TYW1: variants seen among roughly 807,000 people sequenced by gnomAD.
The protein encoded by TYW1 is S-adenosyl-L-methionine-dependent tRNA 4-demethylwyosine synthase TYW1.
TYW1 carries 46 observed loss-of-function variants against 96.2 expected under a neutral mutation model. The ratio of observed to expected loss-of-function variants is 0.48; its 90% CI spans 0.38 to 0.61. TYW1 has a LOEUF of 0.61. Among genes scored for constraint, TYW1 ranks in the 20% least tolerant of loss-of-function variants. The pLI is 0.00. For synonymous variants in TYW1, 274 were observed against 323.0 expected (o/e 0.85, Z 1.63); for missense variants, 684 against 909.6 (o/e 0.75, Z 3.19).
At chr7:67,200,806 C>T (rs1800573679) in intron 15 of TYW1, among the ~76,000 whole-genome samples, 1 of 152,102 alleles carries the variant, frequency 6.6e-6, no homozygotes, top group Non-Finnish European at 1.5e-5. Context: ...ACAGAGGAGG[C>T]ACCATTTAAC....
intron 13 of TYW1, among the ~76,000 whole-genome samples, chr7:67,165,236 A>G (rs1799283703): frequency 6.6e-6 from 1 of 152,206 alleles, no homozygotes; most frequent in Non-Finnish European, 1.5e-5. Context: ...TTAGGAGACC[A>G]TTTTATCTTG....
At chr7:67,197,381 A>G (rs13244997) in intron 15 of TYW1, among the ~76,000 whole-genome samples, 37,760 of 149,604 alleles carry the variant, frequency 0.25, 4,904 homozygotes, top group Middle Eastern at 0.3. Flanking sequence ...GCTGGAGTGC[A>G]GTGATGCAAC....
At chr7:67,223,419 T>C (rs375528765) in intron 15 of TYW1, among the ~76,000 whole-genome samples, 1 of 152,170 alleles carries the variant, frequency 6.6e-6, no homozygotes, top group African/African-American at 2.4e-5. Flanking sequence ...GTCTTTTCAG[T>C]TCTCTTTGAA....
intron 13 of TYW1, among the ~76,000 whole-genome samples, chr7:67,148,227 CAGT>C: frequency 6.6e-6 from 1 of 151,882 alleles, no homozygotes; most frequent in East Asian, 1.9e-4. Flanking sequence ...TTATATATCT[CAGT>C]AGAGATATGT....
chr7:67,226,113 C>A (rs1169563574), intron 15 of TYW1, among the ~76,000 whole-genome samples: 1 of 152,178 alleles, frequency 6.6e-6, no homozygotes, highest in Non-Finnish European at 1.5e-5. Flanking sequence ...AAAGAGATCT[C>A]ACCTAACCGA....
intron 13 of TYW1, among the ~76,000 whole-genome samples, chr7:67,161,078 T>C (rs1799149385): frequency 1.3e-5 from 2 of 152,226 alleles, no homozygotes; most frequent in African/African-American, 4.8e-5. Context: ...TACTGTGTTA[T>C]ATTGGTTAGT....
chr7:67,105,827 G>A (rs1379514782), intron 12 of TYW1, among the ~76,000 whole-genome samples: 1 of 149,868 alleles, frequency 6.7e-6, no homozygotes, highest in African/African-American at 2.5e-5. Flanking sequence ...ATTCTTGTGT[G>A]TTTCATATGC....
At chr7:67,016,897 T>A (rs1794043059) in intron 5 of TYW1, among the ~76,000 whole-genome samples, 1 of 152,104 alleles carries the variant, frequency 6.6e-6, no homozygotes, top group Admixed American at 6.6e-5. Context: ...GGTGCTGGAA[T>A]TATAGGCGTG....
At chr7:67,204,525 TTCTTCC>T (rs1391549169) in intron 15 of TYW1, among the ~76,000 whole-genome samples, 68 of 149,904 alleles carry the variant, frequency 4.5e-4, no homozygotes, top group South Asian at 1.7e-3. Flanking sequence ...TTCCTTCTTC[TTCTTCC>T]TCTTCCTCTT....
chr7:67,158,837 C>G (rs1799068953), intron 13 of TYW1, among the ~76,000 whole-genome samples: 2 of 152,172 alleles, frequency 1.3e-5, no homozygotes, highest in Admixed American at 6.5e-5. Flanking sequence ...TCCCAAAGTG[C>G]TGGGATTACA....
At position 67,238,502 on chromosome 7, in the gene TYW1, C is replaced by T; in HGVS notation, c.2172C>T (p.Asn724=). ...DPKDTRHQRK[N]KSKAISGC is the part of the protein sequence containing the mutation. ...AGGACACAAGACATCAGAGAAAGAA[C>T]AAATCAAAGGCTATTTCTGGATGTT... Residue 724 remains asparagine (N), a synonymous_variant, in exon 16 of 16, where the codon AAC becomes AAT. Coordinates refer to ENST00000359626, the MANE Select transcript of TYW1 (RefSeq NM_018264.4). 3 of 1,613,888 alleles carry T rather than the reference C, an allele frequency of 1.9e-6. No individual in the cohort carries two copies. Among genetic ancestry groups the T allele is most frequent in the Non-Finnish European group, 2.5e-6 (3 of 1,179,852 alleles).
chr7:67,095,692 AC>A (rs1254908212), intron 11 of TYW1, among the ~76,000 whole-genome samples: 1 of 128,704 alleles, frequency 7.8e-6, no homozygotes, highest in African/African-American at 3.2e-5. Flanking sequence ...AACAACAACA[AC>A]AACAACAGCA....
intron 13 of TYW1, among the ~76,000 whole-genome samples, chr7:67,128,419 T>C (rs34514085): frequency 1.3e-5 from 2 of 152,238 alleles, no homozygotes; most frequent in African/African-American, 4.8e-5. Context: ...TTACATTGTC[T>C]ATCTGTTCTT....
chr7:67,238,110 C>T (rs1801951466), intron 15 of TYW1, among the ~76,000 whole-genome samples, 198 bp from the exon 16 acceptor site: 1 of 151,396 alleles, frequency 6.6e-6, no homozygotes, highest in South Asian at 2.1e-4. Flanking sequence ...AGGAAGCTCT[C>T]CTGTGATTGT....
At chr7:67,210,764 G>GTCCGTCCGTCCATCCATCCATCCATCCA (rs143928226) in intron 15 of TYW1, among the ~76,000 whole-genome samples, 1 of 143,988 alleles carries the variant, frequency 6.9e-6, no homozygotes, top group African/African-American at 2.6e-5. Context: ...TCGTCTGTCC[G>GTCCGTCCGTCCATCCATCCATCCATCCA]TCCATCCATC....
intron 3 of TYW1, 129 bp from the exon 4 acceptor site, chr7:67,009,454 A>C: frequency 2.7e-6 from 2 of 742,446 alleles, no homozygotes; most frequent in South Asian, 3.4e-5. Flanking sequence ...ATTTGTGTTC[A>C]TGAAGATACA....
chr7:67,125,510 T>TATCAACATCACCTGC (rs1554370202), intron 13 of TYW1, among the ~76,000 whole-genome samples: 5 of 152,042 alleles, frequency 3.3e-5, no homozygotes, highest in East Asian at 3.9e-4. Flanking sequence ...ATTACCTCCT[T>TATCAACATCACCTGC]ATCAACATCA....
intron 13 of TYW1, among the ~76,000 whole-genome samples, chr7:67,152,864 G>C (rs1798847086): frequency 6.6e-6 from 1 of 152,122 alleles, no homozygotes; most frequent in Non-Finnish European, 1.5e-5. Flanking sequence ...GCCTCCCAAA[G>C]TGCTGGGATT....
Position 67,098,596 on chromosome 7 carries a change from T to G in TYW1, c.1440T>G (p.Cys480Trp), listed in dbSNP as rs1160846788. 1.9e-6 allele frequency: 3 copies of G among 1,613,236 alleles called. No homozygotes were observed. In the South Asian group the frequency reaches 3.3e-5, roughly 18 times the overall value. Residue 480 changes from cysteine to tryptophan, a missense_variant, in exon 12 of 16, where the codon TGT becomes TGG. Transcript: ENST00000359626. ...RFEEGMTVKH[C>W]ALSLVGEPIM... ...AAGAAGGAATGACGGTAAAGCACTG[T>G]GCATTGTCCCTCGTGGGAGAACCAA...
Sources: gnomAD v4.1 joint callset for allele counts (sites outside exome capture counted in the v4.1 genomes callset) on GRCh38, gnomAD v4.1.1 for gene constraint, MANE v1.5 for transcripts, NCBI Gene and HGNC (gene_info 2026-07-23, HGNC 2026-07-21) for gene names.